SPATA6: variants seen among roughly 807,000 people sequenced by gnomAD.
SPATA6 encodes spermatogenesis-associated protein 6.
A neutral mutation model predicts 65.3 loss-of-function variants in SPATA6; 56 were observed. That is an observed-to-expected ratio of 0.86 (90% CI 0.69 to 1.07). The LOEUF (loss-of-function observed/expected upper bound fraction) is 1.07. Ranked by LOEUF, SPATA6 falls within the 50% of genes least tolerant of loss-of-function variation. The pLI is 0.00. For synonymous variants in SPATA6, 199 were observed against 213.2 expected (o/e 0.93, Z 0.58); for missense variants, 590 against 594.8 (o/e 0.99, Z 0.08).
At chr1:48,447,028 G>A (rs986665136) in intron 3 of SPATA6, among the ~76,000 whole-genome samples, 1 of 151,806 alleles carries the variant, frequency 6.6e-6, no homozygotes, top group Admixed American at 6.6e-5. Flanking sequence ...CTTTTATGAT[G>A]AACTTCTACT....
At chr1:48,416,684 C>A (rs1277646945) in intron 3 of SPATA6, among the ~76,000 whole-genome samples, 1 of 151,650 alleles carries the variant, frequency 6.6e-6, no homozygotes, top group Admixed American at 6.6e-5. Flanking sequence ...CCTGCAAAAT[C>A]TTGATACTAA....
Position 48,361,552 on chromosome 1 carries a change from G to GA in SPATA6, c.910-1783_910-1782insT, listed in dbSNP as rs567869872. On this transcript the variant is annotated intron_variant, in intron 9 of 12. Coordinates refer to ENST00000371847, the MANE Select transcript of SPATA6 (RefSeq NM_019073.4). Reference sequence around the variant, plus strand: ...GAGTCCCAGTCATGTCCTAAGTTTTGGGACTACAATAGTGAACAAAACAAA... The same window carrying GA: ...GAGTCCCAGTCATGTCCTAAGTTTTGAGGACTACAATAGTGAACAAAACAAA... 2.7e-3 allele frequency among the ~76,000 whole-genome samples: 417 copies of GA among 152,188 alleles called. 1 individual carries two copies. Among genetic ancestry groups the GA allele is most frequent in the African/African-American group, 8.5e-3 (354 of 41,516 alleles).
rs540101570 is a variant in SPATA6 at position 48,405,960 on chromosome 1, G to A, written c.406-2078C>T. ...ACTTCAGCTTGAAATCCAGGATGTT[G>A]GCATCTAAATAAAATCCTGGTATAG... is the stretch of plus-strand genomic sequence containing the variant. On this transcript the variant is annotated intron_variant, in intron 5 of 12. Transcript: ENST00000371847. 2.6e-5 allele frequency among the ~76,000 whole-genome samples: 4 copies of A among 152,096 alleles called. No individual in the cohort carries two copies. In the South Asian group the frequency reaches 8.3e-4, roughly 32 times the overall value.
At chr1:48,453,584 T>C (rs1225233179) in intron 1 of SPATA6, among the ~76,000 whole-genome samples, 1 of 152,204 alleles carries the variant, frequency 6.6e-6, no homozygotes, top group Non-Finnish European at 1.5e-5. Flanking sequence ...TCACAGTCCA[T>C]AGATACCTTC....
intron 3 of SPATA6, among the ~76,000 whole-genome samples, chr1:48,416,096 G>A (rs1477604443): frequency 2.6e-5 from 4 of 152,014 alleles, no homozygotes; most frequent in African/African-American, 4.8e-5. Flanking sequence ...CCAGCTACTC[G>A]GGAGGCTGAG....
chr1:48,359,219 C>T (rs1199888998), intron 10 of SPATA6, among the ~76,000 whole-genome samples: 1 of 152,030 alleles, frequency 6.6e-6, no homozygotes, highest in Non-Finnish European at 1.5e-5. Flanking sequence ...ATATAGATAG[C>T]CATTATGACT....
intron 11 of SPATA6, among the ~76,000 whole-genome samples, chr1:48,315,402 A>C: frequency 6.6e-6 from 1 of 152,292 alleles, no homozygotes; most frequent in South Asian, 2.1e-4. Flanking sequence ...AAATCAATAA[A>C]CATAATCCAA....
At chr1:48,385,773 C>A (rs1269700688) in intron 8 of SPATA6, among the ~76,000 whole-genome samples, 3 of 152,088 alleles carry the variant, frequency 2.0e-5, no homozygotes, top group Non-Finnish European at 4.4e-5. Context: ...ACAGGACCAG[C>A]TTTAGAGGGT....
chr1:48,359,770 C>T lies in SPATA6; in HGVS notation c.910G>A (p.Val304Ile), dbSNP rs147985336. 6 of 1,603,576 alleles carry T rather than the reference C, an allele frequency of 3.7e-6. No homozygotes were observed. Among genetic ancestry groups the T allele is most frequent in the Non-Finnish European group, 5.1e-6 (6 of 1,174,932 alleles). Residue 304 changes from valine to isoleucine, a missense_variant and splice_region_variant, in exon 10 of 13, where the codon GTT (valine) becomes ATT (isoleucine). By Grantham distance (29) the Val-to-Ile change is conservative. Coordinates refer to ENST00000371847, the MANE Select transcript of SPATA6 (RefSeq NM_019073.4). ...TCTCTCCCATGGGGTGTCCTGATAA[C>T]CTGTTTTAAAAATTATATACATATA... ...LGCCRPKDYKVIRTPHGRDFD... is the reference protein window; with the variant it reads ...LGCCRPKDYKIIRTPHGRDFD...
chr1:48,314,786 G>C (rs1645352274), intron 11 of SPATA6, among the ~76,000 whole-genome samples: 1 of 152,090 alleles, frequency 6.6e-6, no homozygotes, highest in Non-Finnish European at 1.5e-5. Context: ...AAAATTGATA[G>C]ACCGCTAGCA....
At chr1:48,452,254 A>G (rs1467317983) in intron 2 of SPATA6, among the ~76,000 whole-genome samples, 1 of 152,180 alleles carries the variant, frequency 6.6e-6, no homozygotes, top group Non-Finnish European at 1.5e-5. Flanking sequence ...AAGGAAGGCG[A>G]GAAGGAAGGA....
intron 9 of SPATA6, among the ~76,000 whole-genome samples, chr1:48,382,345 C>A (rs1449269328): frequency 1.2e-5 from 1 of 81,860 alleles, no homozygotes; most frequent in African/African-American, 5.2e-5. Flanking sequence ...CTGACCCCCC[C>A]ACCACCCTCC....
At chr1:48,348,631 C>A (rs1160242320) in intron 11 of SPATA6, among the ~76,000 whole-genome samples, 1 of 151,974 alleles carries the variant, frequency 6.6e-6, no homozygotes, top group African/African-American at 2.4e-5. Flanking sequence ...GGAAAAAGGT[C>A]TTTTAGAAAC....
At chr1:48,386,949 G>C (rs1209789501) in intron 8 of SPATA6, among the ~76,000 whole-genome samples, 1 of 152,228 alleles carries the variant, frequency 6.6e-6, no homozygotes, top group Non-Finnish European at 1.5e-5. Flanking sequence ...ATGTAGGGCT[G>C]TATTAGTCCA....
chr1:48,453,756 C>T (rs925568672), intron 1 of SPATA6, among the ~76,000 whole-genome samples: 17 of 151,874 alleles, frequency 1.1e-4, no homozygotes, highest in African/African-American at 3.9e-4. Flanking sequence ...GAGGATTTTC[C>T]CTTGTTTACC....
rs192674511 is a variant in SPATA6 at position 48,314,610 on chromosome 1, T to A, written c.1195-8732A>T. ...AGCAGGAAAGATCTAAAATTGACACTCTAACATCACAATTAAAAGAACTAC... is the reference window on the plus strand; with the variant it reads ...AGCAGGAAAGATCTAAAATTGACACACTAACATCACAATTAAAAGAACTAC... On this transcript the variant is annotated intron_variant, in intron 11 of 12. Coordinates refer to ENST00000371847, the MANE Select transcript of SPATA6 (RefSeq NM_019073.4). Among the ~76,000 whole-genome samples, 13 of 152,038 alleles carry A rather than the reference T, an allele frequency of 8.6e-5. No individual in the cohort carries two copies. In the South Asian group the frequency reaches 1.2e-3, roughly 15 times the overall value.
At chr1:48,312,549 G>A (rs1454990655) in intron 11 of SPATA6, among the ~76,000 whole-genome samples, 6 of 152,100 alleles carry the variant, frequency 3.9e-5, no homozygotes, top group African/African-American at 9.7e-5. Context: ...CCATCTGTAC[G>A]TCACCATCAT....
Position 48,296,677 on chromosome 1 carries a change from T to C in SPATA6, c.*2036A>G, listed in dbSNP as rs989252530. 28 of 152,282 alleles carry C rather than the reference T, an allele frequency of 1.8e-4. No individual in the cohort carries two copies. The highest frequency in any genetic ancestry group is 6.8e-3 in the Middle Eastern group (2 of 294). The allele number at this position is 152,282 out of a possible 1,614,324, so 9.4% of individuals were successfully genotyped here. On this transcript the variant is annotated 3_prime_UTR_variant, in exon 13 of 13. Coordinates refer to ENST00000371847, the MANE Select transcript of SPATA6 (RefSeq NM_019073.4). ...TTTTTTAAAAGAGCATTATTCAATG[T>C]TGACCTTCAAAAGCTGATTGTAAAA...
At chr1:48,290,424 G>A (rs928064735), downstream of SPATA6, among the ~76,000 whole-genome samples, 5 of 152,170 alleles carry the variant, frequency 3.3e-5, no homozygotes, top group African/African-American at 1.2e-4. Flanking sequence ...ATCGAGGCTA[G>A]GAAGAAACTG....
Sources: gnomAD v4.1 joint callset for allele counts (sites outside exome capture counted in the v4.1 genomes callset) on GRCh38, gnomAD v4.1.1 for gene constraint, MANE v1.5 for transcripts, NCBI Gene and HGNC (gene_info 2026-07-23, HGNC 2026-07-21) for gene names.